Variants in PALD1 observed in about 807,000 individuals in gnomAD.
PALD1 encodes the protein phosphatase domain containing paladin 1.
A neutral mutation model predicts 96.0 loss-of-function variants in PALD1; 57 were observed. The observed-to-expected ratio is 0.59, with a 90% CI of 0.48 to 0.74. The LOEUF (loss-of-function observed/expected upper bound fraction) is 0.74, where lower values mean the gene tolerates loss of function less well. Among genes scored for constraint, PALD1 ranks in the 30% least tolerant of loss-of-function variants. The pLI, the probability that PALD1 is intolerant of heterozygous loss-of-function variation, is 0.00. For missense variants in PALD1, 1,063 were observed against 1,143.7 expected, an observed-to-expected ratio of 0.93 and a Z score of 1.02; for synonymous variants, 464 against 473.6, an observed-to-expected ratio of 0.98 and a Z score of 0.26.
chr10:70,461,195 C>T, the PALD1 span, among the ~76,000 whole-genome samples: 1 of 152,218 alleles, frequency 6.6e-6, no homozygotes, highest in Admixed American at 6.5e-5. Flanking sequence ...GGGCCTTTGC[C>T]CCTGCTGTCT....
At chr10:70,532,485 G>A (rs993050380) in intron 5 of PALD1, 136 bp from the exon 6 acceptor site, 10 of 819,082 alleles carry the variant, frequency 1.2e-5, no homozygotes, top group Non-Finnish European at 1.7e-5. Context: ...ACTTCTGGCT[G>A]TGTAGTTCCC....
chr10:70,490,521 C>T (rs1846081910), intron 1 of PALD1, among the ~76,000 whole-genome samples: 1 of 152,144 alleles, frequency 6.6e-6, no homozygotes, highest in Non-Finnish European at 1.5e-5. Context: ...TGTAATATAA[C>T]TGAAATGTGT....
At chr10:70,506,747 G>A (rs971207960) in intron 1 of PALD1, among the ~76,000 whole-genome samples, 5 of 152,244 alleles carry the variant, frequency 3.3e-5, no homozygotes, top group Admixed American at 1.3e-4. Flanking sequence ...ACGACTCATC[G>A]AGAGACCCAG....
intron 11 of PALD1, 22 bp from the exon 12 acceptor site, chr10:70,538,258 G>C (rs200648207): frequency 7.5e-6 from 12 of 1,599,276 alleles, no homozygotes; most frequent in South Asian, 6.6e-5. Flanking sequence ...TGAATTCCTC[G>C]TCTCTCTGCC....
intron 1 of PALD1, among the ~76,000 whole-genome samples, chr10:70,517,645 G>A (rs1846646674): frequency 6.6e-6 from 1 of 152,058 alleles, no homozygotes; most frequent in Admixed American, 6.6e-5. Flanking sequence ...CCTGGCCTAA[G>A]TGTTCAGTTT....
At chr10:70,559,879 C>G (rs1017612600) in intron 18 of PALD1, among the ~76,000 whole-genome samples, 2 of 152,104 alleles carry the variant, frequency 1.3e-5, no homozygotes, top group Non-Finnish European at 2.9e-5. Context: ...TGTCTAGGAT[C>G]TGGATTCAAG....
chr10:70,458,889 G>A, the PALD1 span, among the ~76,000 whole-genome samples: 173 of 152,352 alleles, frequency 1.1e-3, 1 homozygote, highest in African/African-American at 4.1e-3. Flanking sequence ...CCAAACGCGG[G>A]GGGCCCCCAT....
At chr10:70,484,488 G>A (rs577912496) in intron 1 of PALD1, among the ~76,000 whole-genome samples, 16 of 151,560 alleles carry the variant, frequency 1.1e-4, no homozygotes, top group African/African-American at 3.9e-4. Flanking sequence ...TTTTAAACAG[G>A]AAAATACTTT....
chr10:70,493,720 A>G (rs923331301), intron 1 of PALD1, among the ~76,000 whole-genome samples: 1 of 152,196 alleles, frequency 6.6e-6, no homozygotes, highest in African/African-American at 2.4e-5. Flanking sequence ...TTCAGAAAAG[A>G]TGTGCCAGGA....
intron 1 of PALD1, among the ~76,000 whole-genome samples, chr10:70,518,801 C>T (rs1332591694): frequency 6.6e-6 from 1 of 152,226 alleles, no homozygotes; most frequent in East Asian, 1.9e-4. Flanking sequence ...GCTGTTCAAA[C>T]CCCACCTCAC....
chr10:70,525,981 G>T lies in PALD1; in HGVS notation c.30G>T (p.Gln10His). Residue 10 changes from glutamine (Q) to histidine (H), a missense_variant, in exon 2 of 20, where the codon CAG (glutamine) becomes CAT (histidine). Physicochemically the swap from Gln to His is conservative, Grantham distance 24. Coordinates refer to ENST00000263563, the MANE Select transcript of PALD1 (RefSeq NM_014431.3). MGTTASTAQQTVSAGTPFEG... is the reference protein window; with the variant it reads MGTTASTAQHTVSAGTPFEG... ...GTACAACGGCCAGCACAGCCCAGCAGACGGTCTCGGCAGGCACCCCATTTG... is the reference window on the plus strand; with the variant it reads ...GTACAACGGCCAGCACAGCCCAGCATACGGTCTCGGCAGGCACCCCATTTG... 1.2e-6 allele frequency: 2 copies of T among 1,614,216 alleles called. No homozygotes were observed. The highest frequency in any genetic ancestry group is 1.7e-6 in the Non-Finnish European group (2 of 1,180,050).
At position 70,536,729 on chromosome 10, in the gene PALD1, A is replaced by G. The variant is rs1475251011; in HGVS notation, c.1228-1082A>G. 2.6e-5 allele frequency among the ~76,000 whole-genome samples: 4 copies of G among 152,224 alleles called. No individual in the cohort carries two copies. In the East Asian group the frequency reaches 5.8e-4, roughly 22 times the overall value. ...GTATTTACCGTCTGGCCCTTTATGG[A>G]AAAAGTTTGCCGACACCTGGTGGAG... On this transcript the variant is annotated intron_variant, in intron 10 of 19. Coordinates refer to ENST00000263563, the MANE Select transcript of PALD1 (RefSeq NM_014431.3).
chr10:70,558,413 C>T (rs1847659401), intron 18 of PALD1, among the ~76,000 whole-genome samples: 1 of 152,314 alleles, frequency 6.6e-6, no homozygotes, highest in Non-Finnish European at 1.5e-5. Flanking sequence ...GCAAGGTGCA[C>T]ATGTTTGTCA....
intron 18 of PALD1, among the ~76,000 whole-genome samples, chr10:70,552,720 T>C (rs1847505966): frequency 6.6e-6 from 1 of 152,356 alleles, no homozygotes; most frequent in South Asian, 2.1e-4. Context: ...CCGCCATGAT[T>C]GCCTCTTAAA....
chr10:70,534,126 C>G (rs948435607), intron 8 of PALD1, 53 bp downstream of exon 8: 7 of 1,482,026 alleles, frequency 4.7e-6, no homozygotes, highest in Non-Finnish European at 6.3e-6. Flanking sequence ...GAGGAGGGGA[C>G]AGGCTGCCCC....
intron 1 of PALD1, among the ~76,000 whole-genome samples, chr10:70,502,289 C>A (rs539558998): frequency 6.6e-6 from 1 of 152,088 alleles, no homozygotes; most frequent in Non-Finnish European, 1.5e-5. Context: ...TGGCTTTTTT[C>A]GCTCCATGTC....
chr10:70,477,895 G>A (rs1845850641), upstream of PALD1, among the ~76,000 whole-genome samples: 1 of 118,374 alleles, frequency 8.4e-6, no homozygotes, highest in South Asian at 2.7e-4. Flanking sequence ...CCACAACAAA[G>A]CCTATCTCTC....
chr10:70,507,535 C>T (rs1017888165), intron 1 of PALD1, among the ~76,000 whole-genome samples: 3 of 152,224 alleles, frequency 2.0e-5, no homozygotes, highest in Non-Finnish European at 4.4e-5. Context: ...GATCCTCCCA[C>T]CTTAGCCTCC....
chr10:70,476,111 T>C (rs1362961914), upstream of PALD1, among the ~76,000 whole-genome samples: 1 of 151,644 alleles, frequency 6.6e-6, no homozygotes, highest in Admixed American at 6.6e-5. Context: ...TGAGTGGGGG[T>C]CAGTCCCGAC....
Sources: allele counts gnomAD v4.1 joint callset (sites outside exome capture counted in the v4.1 genomes callset), GRCh38; gene constraint gnomAD v4.1.1; transcripts MANE v1.5; gene names NCBI Gene and HGNC (gene_info 2026-07-23, HGNC 2026-07-21).